Variants in DSE observed in about 807,000 individuals in gnomAD.
DSE encodes dermatan-sulfate epimerase.
DSE carries 36 observed loss-of-function variants against 84.4 expected under a neutral mutation model. The ratio of observed to expected loss-of-function variants is 0.43; its 90% CI spans 0.33 to 0.56. The LOEUF (loss-of-function observed/expected upper bound fraction) is 0.56, where lower values mean the gene tolerates loss of function less well. Ranked by LOEUF, DSE falls within the 20% of genes least tolerant of loss-of-function variation. The probability of loss-of-function intolerance (pLI) is 0.06; values close to 1 mark genes in which losing one functional copy is unlikely to be tolerated. For synonymous variants in DSE, 410 were observed against 430.1 expected, an observed-to-expected ratio of 0.95 and a Z score of 0.58; for missense variants, 862 against 1,169.6, an observed-to-expected ratio of 0.74 and a Z score of 3.84.
In DSE at chr6:116,274,018, C is replaced by CG. The variant is rs1562194478; in HGVS notation, c.-54+15055dup. On this transcript the variant is annotated intron_variant, in intron 2 of 3. Coordinates refer to the DSE transcript ENST00000430252. ...CTAATTTTTGTAATTTTAGTAGAGA[C>CG]GGGGTTTCACCATGTTGGCCAGGCT... Among the ~76,000 whole-genome samples the CG allele has an allele frequency of 4.0e-5, 6 of 150,988 alleles. No homozygotes were observed. In the South Asian group the frequency reaches 1.3e-3, roughly 32 times the overall value.
intron 2 of DSE, among the ~76,000 whole-genome samples, chr6:116,321,949 A>G (rs1776350294): frequency 6.6e-6 from 1 of 152,178 alleles, no homozygotes; most frequent in African/African-American, 2.4e-5. Context: ...CGAGCCACAG[A>G]CAAAACTCCT....
At chr6:116,376,037 A>G (rs1190179244) in intron 1 of DSE, among the ~76,000 whole-genome samples, 1 of 152,182 alleles carries the variant, frequency 6.6e-6, no homozygotes, top group Non-Finnish European at 1.5e-5. Context: ...CATATTATTA[A>G]AGACTCTAAC....
At chr6:116,254,208 T>A (rs1005730081) in exon 1 of DSE, 2 of 719,358 alleles carry the variant, frequency 2.8e-6, no homozygotes, top group Non-Finnish European at 5.0e-6. Flanking sequence ...TCCATCGTAT[T>A]CCTTTGTCTT....
At chr6:116,321,460 G>A (rs1299781499) in intron 2 of DSE, among the ~76,000 whole-genome samples, 2 of 151,576 alleles carry the variant, frequency 1.3e-5, no homozygotes, top group East Asian at 3.9e-4. Flanking sequence ...ACAAGCATGA[G>A]CTACTGCACC....
intron 4 of DSE, 110 bp from the exon 5 acceptor site, chr6:116,433,233 T>C: frequency 9.7e-7 from 1 of 1,035,532 alleles, no homozygotes. Flanking sequence ...TTTTATCCCT[T>C]CCATTACACA....
chr6:116,339,618 G>A (rs757084801), intron 2 of DSE, among the ~76,000 whole-genome samples: 13 of 152,194 alleles, frequency 8.5e-5, no homozygotes, highest in Non-Finnish European at 1.5e-4. Context: ...ATCAATCTGG[G>A]TGAGCAAGTA....
At chr6:116,420,486 G>A (rs1428171217) in intron 2 of DSE, among the ~76,000 whole-genome samples, 1 of 152,166 alleles carries the variant, frequency 6.6e-6, no homozygotes, top group East Asian at 1.9e-4. Flanking sequence ...CAGGCCAGGT[G>A]AGCACACAGT....
intron 2 of DSE, among the ~76,000 whole-genome samples, chr6:116,283,824 A>G (rs1291151563): frequency 6.6e-6 from 1 of 152,198 alleles, no homozygotes; most frequent in East Asian, 1.9e-4. Flanking sequence ...GATTACAGGC[A>G]TGAGCCACTG....
rs1784322577 is a variant in DSE, at chr6:116,438,700, A to G, written c.*1355A>G. 1 of 152,204 alleles carries G rather than the reference A, an allele frequency of 6.6e-6. No homozygotes were observed. The highest frequency in any genetic ancestry group is 2.1e-4 in the South Asian group (1 of 4,832). 9.4% of individuals were successfully genotyped at this position (152,204 alleles called of 1,614,324 possible). On this transcript the variant is annotated 3_prime_UTR_variant, in exon 6 of 6. Coordinates refer to ENST00000644252, the MANE Select transcript of DSE (RefSeq NM_013352.4). The stretch of plus-strand genomic sequence containing the variant: ...ACAAAATATGTTCAGCTCAAATTTT[A>G]CAGTAAGGACACACTCACTGATTTA...
intron 2 of DSE, chr6:116,288,114 G>A (rs929472470): frequency 7.2e-5 from 11 of 151,882 alleles, no homozygotes; most frequent in African/African-American, 2.4e-4. Context: ...AAGTCCCTAC[G>A]CAGTCATGAA....
At chr6:116,426,549 T>G in intron 2 of DSE, 25 bp from the exon 3 acceptor site, 1 of 1,606,684 alleles carries the variant, frequency 6.2e-7, no homozygotes, top group Non-Finnish European at 8.5e-7. Context: ...ATGAACTCAT[T>G]TCCATGATTT....
chr6:116,284,617 CGTCATTTACACATTAG>C (rs1163557473), intron 2 of DSE, among the ~76,000 whole-genome samples: 76 of 151,402 alleles, frequency 5.0e-4, no homozygotes, highest in African/African-American at 1.8e-3. Context: ...CCCATTAACT[CGTCATTTACACATTAG>C]GTATATCTCC....
chr6:116,406,539 A>G (rs776945102), intron 2 of DSE, among the ~76,000 whole-genome samples: 2 of 152,202 alleles, frequency 1.3e-5, no homozygotes, highest in Admixed American at 6.5e-5. Flanking sequence ...TATTTTTTGG[A>G]TGAAATATTC....
intron 1 of DSE, among the ~76,000 whole-genome samples, chr6:116,381,838 A>C (rs1246377638): frequency 6.6e-6 from 1 of 152,192 alleles, no homozygotes; most frequent in Non-Finnish European, 1.5e-5. Context: ...TGGCTTAAAC[A>C]ATAGTTTATT....
At chr6:116,372,481 A>G (rs1411599349) in intron 1 of DSE, among the ~76,000 whole-genome samples, 1 of 152,188 alleles carries the variant, frequency 6.6e-6, no homozygotes, top group African/African-American at 2.4e-5. Context: ...AAAATTCTCA[A>G]TGATAATCTC....
Position 116,371,036 on chromosome 6 carries a change from G to T in DSE, c.-139G>T. 1 of 985,766 alleles carries T rather than the reference G, an allele frequency of 1.0e-6. No homozygotes were observed. The highest frequency in any genetic ancestry group is 1.2e-6 in the Non-Finnish European group (1 of 830,252). The allele number at this position is 985,766 out of a possible 1,614,324, so 61.1% of individuals were successfully genotyped here. ...TCGGTTCGGAGGGGGCCGGGAGCCC[G>T]GGCGCCCTGGAGTGAGGAGGACCGG... On this transcript the variant is annotated 5_prime_UTR_variant, in exon 1 of 6. Transcript: ENST00000644252.
chr6:116,314,044 C>G (rs1775836277), intron 2 of DSE, among the ~76,000 whole-genome samples: 1 of 152,168 alleles, frequency 6.6e-6, no homozygotes. Flanking sequence ...TCTTTGTTTT[C>G]AAGCCTCTCA....
At chr6:116,413,021 C>T (rs1233008037) in intron 2 of DSE, among the ~76,000 whole-genome samples, 2 of 152,032 alleles carry the variant, frequency 1.3e-5, no homozygotes, top group East Asian at 1.9e-4. Context: ...GTTGCTGCGA[C>T]GGATGTGATT....
At chr6:116,326,267 G>T (rs966674770) in intron 2 of DSE, among the ~76,000 whole-genome samples, 1 of 152,074 alleles carries the variant, frequency 6.6e-6, no homozygotes, top group African/African-American at 2.4e-5. Context: ...GGGGAGGACG[G>T]CGGGAGTCCT....
Sources: allele counts gnomAD v4.1 joint callset (sites outside exome capture counted in the v4.1 genomes callset), GRCh38; gene constraint gnomAD v4.1.1; transcripts MANE v1.5; gene names NCBI Gene and HGNC (gene_info 2026-07-23, HGNC 2026-07-21).